Variants in ASTN2 observed in about 807,000 individuals in gnomAD.
ASTN2 encodes astrotactin 2.
In ASTN2, 54 loss-of-function variants were observed where a neutral mutation model predicts 139.8. The ratio of observed to expected loss-of-function variants is 0.39; its 90% CI spans 0.31 to 0.48. The LOEUF (loss-of-function observed/expected upper bound fraction) is 0.48, where lower values mean the gene tolerates loss of function less well. Ranked by LOEUF, ASTN2 falls within the 20% of genes least tolerant of loss-of-function variation. ASTN2 has a pLI of 0.95. For synonymous variants in ASTN2, 756 were observed against 719.5 expected (o/e 1.05, Z -0.81); for missense variants, 1,565 against 1,725.1 (o/e 0.91, Z 1.64).
intron 19 of ASTN2, among the ~76,000 whole-genome samples, chr9:116,501,641 G>A (rs1334516565): frequency 6.9e-6 from 1 of 144,726 alleles, no homozygotes; most frequent in Non-Finnish European, 1.5e-5. Context: ...TCATAGGTGG[G>A]AATTGAACAA....
chr9:116,969,879 TCAC>T (rs1836135394), intron 10 of ASTN2, among the ~76,000 whole-genome samples: 1 of 152,182 alleles, frequency 6.6e-6, no homozygotes, highest in South Asian at 2.1e-4. Flanking sequence ...CTGCAACAAA[TCAC>T]CACAAACTGG....
intron 2 of ASTN2, among the ~76,000 whole-genome samples, chr9:117,237,159 C>A (rs1833069300): frequency 6.6e-6 from 1 of 152,074 alleles, no homozygotes; most frequent in South Asian, 2.1e-4. Context: ...TAGGTTGGAG[C>A]AAAAGTAATT....
In ASTN2 at chr9:116,691,801, G is replaced by A. The variant is rs141586818; in HGVS notation, c.2806+33970C>T. 1.4e-3 allele frequency among the ~76,000 whole-genome samples: 216 copies of A among 152,342 alleles called. 2 individuals carry two copies. Among genetic ancestry groups the A allele is most frequent in the South Asian group, 6.8e-3 (33 of 4,826 alleles). ...CTAACGAGTGGCCTTTGGTGGCACA[G>A]TGATAGTTTTGCACTTGATTAGCAT... On this transcript the variant is annotated intron_variant, in intron 16 of 22. Transcript: ENST00000313400.
chr9:117,145,965 C>T (rs573022467), intron 3 of ASTN2, among the ~76,000 whole-genome samples: 1 of 152,110 alleles, frequency 6.6e-6, no homozygotes, highest in East Asian at 1.9e-4. Flanking sequence ...GGGGTGATCC[C>T]CTGAGCTGCA....
intron 10 of ASTN2, among the ~76,000 whole-genome samples, chr9:116,939,286 G>C (rs1835162416): frequency 6.6e-6 from 1 of 152,016 alleles, no homozygotes; most frequent in Non-Finnish European, 1.5e-5. Context: ...ATACATGGTA[G>C]CTAGCACACA....
intron 4 of ASTN2, among the ~76,000 whole-genome samples, chr9:117,121,155 T>A (rs1829548222): frequency 6.6e-6 from 1 of 152,246 alleles, no homozygotes; most frequent in Non-Finnish European, 1.5e-5. Flanking sequence ...TTATTAACTG[T>A]TCTACCCTCT....
intron 2 of ASTN2, among the ~76,000 whole-genome samples, chr9:117,233,634 C>A (rs1002730671): frequency 4.6e-5 from 7 of 152,082 alleles, no homozygotes; most frequent in African/African-American, 7.2e-5. Context: ...AATGTCCCTG[C>A]TTCTATTTAT....
At chr9:116,989,046 A>G (rs1588462387) in intron 7 of ASTN2, among the ~76,000 whole-genome samples, 1 of 152,344 alleles carries the variant, frequency 6.6e-6, no homozygotes, top group African/African-American at 2.4e-5. Context: ...AACCTGAAAC[A>G]GCAAAGTGAA....
At chr9:116,483,819 G>A (rs1849249960) in intron 20 of ASTN2, among the ~76,000 whole-genome samples, 1 of 152,174 alleles carries the variant, frequency 6.6e-6, no homozygotes, top group African/African-American at 2.4e-5. Context: ...TTTTAAAGAT[G>A]CTGACACTGC....
Position 117,059,457 on chromosome 9 carries a change from C to A in ASTN2, c.1277-19492G>T, listed in dbSNP as rs1839173710. Reference sequence around the variant, plus strand: ...TGAAACCCCATCTCTACTAAAAATACAAAAAATTAGCTGGGCATGGTGATG... The same window carrying A: ...TGAAACCCCATCTCTACTAAAAATAAAAAAAATTAGCTGGGCATGGTGATG... On this transcript the variant is annotated intron_variant, in intron 5 of 22. Coordinates refer to ENST00000313400, the MANE Select transcript of ASTN2 (RefSeq NM_001365068.1). Among the ~76,000 whole-genome samples the A allele has an allele frequency of 2.6e-5, 4 of 151,894 alleles. No homozygotes were observed. In the South Asian group the frequency reaches 6.2e-4, roughly 24 times the overall value.
intron 10 of ASTN2, among the ~76,000 whole-genome samples, chr9:116,942,548 A>C (rs1395708295): frequency 6.6e-6 from 1 of 152,166 alleles, no homozygotes; most frequent in Non-Finnish European, 1.5e-5. Flanking sequence ...TATTTTAGGA[A>C]TATGTGCCTG....
chr9:117,132,614 C>T (rs1366036827), intron 4 of ASTN2, among the ~76,000 whole-genome samples: 2 of 152,120 alleles, frequency 1.3e-5, no homozygotes, highest in Non-Finnish European at 2.9e-5. Flanking sequence ...ACAAACTTCT[C>T]TGAAAGACAC....
intron 2 of ASTN2, among the ~76,000 whole-genome samples, chr9:117,221,053 T>A (rs1248743960): frequency 6.6e-6 from 1 of 152,196 alleles, no homozygotes; most frequent in African/African-American, 2.4e-5. Context: ...GGGAAGGTGC[T>A]TAATAAACAC....
At chr9:116,790,206 G>A (rs1830494295) in intron 13 of ASTN2, among the ~76,000 whole-genome samples, 1 of 151,984 alleles carries the variant, frequency 6.6e-6, no homozygotes, top group Admixed American at 6.6e-5. Context: ...GATTGCAGGC[G>A]TGAGCCCCCA....
intron 11 of ASTN2, among the ~76,000 whole-genome samples, chr9:116,849,525 T>C (rs937733272): frequency 6.6e-6 from 1 of 152,222 alleles, no homozygotes. Context: ...TACTATTATT[T>C]CACCCTTTTT....
At chr9:117,243,246 T>C (rs1327233412) in intron 2 of ASTN2, among the ~76,000 whole-genome samples, 2 of 152,224 alleles carry the variant, frequency 1.3e-5, no homozygotes, top group East Asian at 3.9e-4. Flanking sequence ...AAACACTGTC[T>C]AATAATTGTA....
chr9:116,505,662 C>T (rs1165273612), intron 19 of ASTN2, among the ~76,000 whole-genome samples: 1 of 152,142 alleles, frequency 6.6e-6, no homozygotes, highest in African/African-American at 2.4e-5. Context: ...GGCGATGGGT[C>T]GGGGGCACTC....
chr9:116,517,359 A>C (rs1326260873), intron 19 of ASTN2, among the ~76,000 whole-genome samples: 1 of 152,190 alleles, frequency 6.6e-6, no homozygotes, highest in East Asian at 1.9e-4. Context: ...GACACTCTTC[A>C]GCACCAGCCT....
chr9:116,470,638 A>T, intron 20 of ASTN2, among the ~76,000 whole-genome samples: 1 of 152,206 alleles, frequency 6.6e-6, no homozygotes, highest in Middle Eastern at 3.2e-3. Context: ...CATATCATTG[A>T]TTCTTTTATT....
Sources: gnomAD v4.1 joint callset for allele counts (sites outside exome capture counted in the v4.1 genomes callset) on GRCh38, gnomAD v4.1.1 for gene constraint, MANE v1.5 for transcripts, NCBI Gene and HGNC (gene_info 2026-07-23, HGNC 2026-07-21) for gene names.